Variants in UBE3C observed in about 807,000 individuals in gnomAD.
The protein encoded by UBE3C is ubiquitin-protein ligase E3C.
Under a neutral mutation model 129.4 loss-of-function variants are expected in UBE3C, and 42 were observed. The observed-to-expected ratio is 0.32, with a 90% CI of 0.25 to 0.42. The LOEUF (loss-of-function observed/expected upper bound fraction) is 0.42, where lower values mean the gene tolerates loss of function less well. Among genes scored for constraint, UBE3C ranks in the 10% least tolerant of loss-of-function variants. UBE3C has a pLI of 1.00. For synonymous variants in UBE3C, 510 were observed against 492.4 expected, an observed-to-expected ratio of 1.04 and a Z score of -0.47; for missense variants, 1,049 against 1,319.1, an observed-to-expected ratio of 0.80 and a Z score of 3.17.
At chr7:157,162,210 T>C (rs1050867497) in intron 1 of UBE3C, among the ~76,000 whole-genome samples, 4 of 152,210 alleles carry the variant, frequency 2.6e-5, no homozygotes, top group African/African-American at 9.7e-5. Context: ...TTTTTTCTTT[T>C]TTGAGACGGA....
At position 157,231,152 on chromosome 7, in the gene UBE3C, G is replaced by A; in HGVS notation, c.2306G>A (p.Gly769Asp). The A allele has an allele frequency of 1.2e-6, 2 of 1,614,072 alleles. No individual in the cohort carries two copies. Among genetic ancestry groups the A allele is most frequent in the Non-Finnish European group, 1.7e-6 (2 of 1,180,026 alleles). The stretch of plus-strand genomic sequence containing the variant: ...GGCCTGGATGAAGCTGGCATTGATG[G>A]TGGTGGTATTTTCAGAGAGTTTTTA... The part of the protein sequence containing the change: ...AHGLDEAGID[G>D]GGIFREFLNE... Residue 769 changes from glycine (G) to aspartate (D), a missense_variant, in exon 18 of 23, where the codon GGT (glycine) becomes GAT (aspartate). Gly to Asp is a moderately conservative substitution (Grantham distance 94). Coordinates refer to ENST00000348165, the MANE Select transcript of UBE3C (RefSeq NM_014671.3).
intron 1 of UBE3C, among the ~76,000 whole-genome samples, chr7:157,150,378 CA>C (rs34169017): frequency 0.018 from 2,505 of 136,462 alleles, 30 homozygotes; most frequent in Middle Eastern, 0.07. Flanking sequence ...GACTCTGTCT[CA>C]AAAAAAAAAA....
In UBE3C at chr7:157,170,456, T is replaced by C. The variant is rs1808336872; in HGVS notation, c.342+6T>C. On this transcript the variant is annotated splice_donor_region_variant and intron_variant, in intron 4 of 22. Transcript: ENST00000348165. ...ATGAAGACTCAAAACGTTTGGTGAG[T>C]GTTAACTACATTTTCACTTGTCCTC... 6.6e-7 allele frequency: 1 copy of C among 1,526,480 alleles called. No individual in the cohort carries two copies. Among genetic ancestry groups the C allele is most frequent in the Admixed American group, 2.4e-5 (1 of 40,972 alleles). 94.6% of individuals were successfully genotyped at this position (1,526,480 alleles called of 1,614,324 possible).
Position 157,248,510 on chromosome 7 carries a change from G to C in UBE3C, c.2624G>C (p.Ser875Thr), listed in dbSNP as rs775622957. 5 of 1,613,220 alleles carry C rather than the reference G, an allele frequency of 3.1e-6. No homozygotes were observed. In the African/African-American group the frequency reaches 6.7e-5, roughly 22 times the overall value. The change falls in exon 19 of 23, where the codon AGC (serine) becomes ACC (threonine). Residue 875 changes from serine (S) to threonine (T), a missense_variant. By Grantham distance (58) the Ser-to-Thr change is moderately conservative (BLOSUM62 1). Transcript: ENST00000348165. ...EVYKNLLFLK[S>T]YEDDVEELGL... ...TATAAGAATTTGCTCTTTCTGAAGAGCTACGAAGACGATGTGGAGGAGCTT... is the reference window on the plus strand; with the variant it reads ...TATAAGAATTTGCTCTTTCTGAAGACCTACGAAGACGATGTGGAGGAGCTT...
intron 1 of UBE3C, among the ~76,000 whole-genome samples, chr7:157,146,183 C>G (rs1807598626): frequency 6.6e-6 from 1 of 151,936 alleles, no homozygotes; most frequent in East Asian, 1.9e-4. Flanking sequence ...TCCCCAACTC[C>G]ATTGAATGCC....
In UBE3C at chr7:157,186,943, G is replaced by A; in HGVS notation, c.1253G>A (p.Ser418Asn). ...LLNLVWRDSA[S>N]EEVFTTMASV... ...AACCTGGTGTGGAGGGACTCTGCGAGCGAGGAGGTCTTCACCACCATGGCC... is the reference window on the plus strand; with the variant it reads ...AACCTGGTGTGGAGGGACTCTGCGAACGAGGAGGTCTTCACCACCATGGCC... Residue 418 changes from serine to asparagine, a missense_variant, in exon 10 of 23, where the codon AGC (serine) becomes AAC (asparagine). Transcript: ENST00000348165. The A allele has an allele frequency of 6.2e-7, 1 of 1,613,882 alleles. No individual in the cohort carries two copies. Among genetic ancestry groups the A allele is most frequent in the South Asian group, 1.1e-5 (1 of 91,002 alleles).
intron 1 of UBE3C, among the ~76,000 whole-genome samples, chr7:157,153,126 G>C (rs907250053): frequency 1.3e-5 from 2 of 152,162 alleles, no homozygotes; most frequent in Non-Finnish European, 2.9e-5. Flanking sequence ...AACCCCAGGG[G>C]AGCAGAGGTT....
chr7:157,219,142 G>A (rs1795665927), intron 14 of UBE3C, among the ~76,000 whole-genome samples: 1 of 152,194 alleles, frequency 6.6e-6, no homozygotes, highest in Non-Finnish European at 1.5e-5. Context: ...TGCAGCGCAT[G>A]TCTAGGGTCT....
At chr7:157,140,028 T>C in intron 1 of UBE3C, 1 of 985,412 alleles carries the variant, frequency 1.0e-6, no homozygotes, top group Non-Finnish European at 1.2e-6. Flanking sequence ...GGTAATTGTT[T>C]AGGATAAGGG....
intron 14 of UBE3C, among the ~76,000 whole-genome samples, chr7:157,219,248 G>A (rs2023976): frequency 0.058 from 8,828 of 152,168 alleles, 605 homozygotes; most frequent in African/African-American, 0.16. Context: ...AAAGTTGTGC[G>A]ATGGGAAAAT....
intron 11 of UBE3C, among the ~76,000 whole-genome samples, chr7:157,202,518 A>G (rs1245277490): frequency 6.6e-6 from 1 of 152,112 alleles, no homozygotes; most frequent in Non-Finnish European, 1.5e-5. Flanking sequence ...TTAGTCGGGC[A>G]TGGTGGTGCG....
rs1584831485 is a variant in UBE3C, at chr7:157,261,977, G to A, written c.3081+4933G>A. On this transcript the variant is annotated intron_variant, in intron 22 of 22. Coordinates refer to ENST00000348165, the MANE Select transcript of UBE3C (RefSeq NM_014671.3). ...TTTTTTACTTTTAAGTCTCCAAGTA[G>A]GAAATTCAATTAGCGTTATGAAAGA... Among the ~76,000 whole-genome samples, 5 of 152,270 alleles carry A rather than the reference G, an allele frequency of 3.3e-5. No homozygotes were observed. In the South Asian group the frequency reaches 8.3e-4, roughly 25 times the overall value.
chr7:157,144,546 T>A (rs147376489), intron 1 of UBE3C, among the ~76,000 whole-genome samples: 1 of 151,988 alleles, frequency 6.6e-6, no homozygotes, highest in Non-Finnish European at 1.5e-5. Flanking sequence ...ATGGGAAATA[T>A]TTTGAGACTT....
At chr7:157,247,175 C>T (rs775686877) in intron 18 of UBE3C, among the ~76,000 whole-genome samples, 25 of 152,166 alleles carry the variant, frequency 1.6e-4, no homozygotes, top group Non-Finnish European at 2.4e-4. Flanking sequence ...CGTGAGCCAC[C>T]GCACCTGGCC....
At chr7:157,250,224 G>A (rs1796588472) in intron 19 of UBE3C, among the ~76,000 whole-genome samples, 1 of 152,014 alleles carries the variant, frequency 6.6e-6, no homozygotes, top group African/African-American at 2.4e-5. Flanking sequence ...TGTTGTTGTT[G>A]TATTGTTTTG....
chr7:157,197,053 G>A (rs1238841966), intron 10 of UBE3C, among the ~76,000 whole-genome samples: 10 of 152,170 alleles, frequency 6.6e-5, no homozygotes, highest in Admixed American at 2.6e-4. Flanking sequence ...CAAAACTGTC[G>A]TTTCTGATAC....
At chr7:157,149,844 T>A (rs900893360) in intron 1 of UBE3C, among the ~76,000 whole-genome samples, 2 of 152,220 alleles carry the variant, frequency 1.3e-5, no homozygotes, top group Non-Finnish European at 2.9e-5. Flanking sequence ...TCTTATTCTT[T>A]GACTGTGACC....
At chr7:157,141,790 C>T (rs1306468640) in intron 1 of UBE3C, among the ~76,000 whole-genome samples, 1 of 152,142 alleles carries the variant, frequency 6.6e-6, no homozygotes, top group Admixed American at 6.5e-5. Flanking sequence ...CGTTTGTGCC[C>T]GGCTGCTTTG....
intron 9 of UBE3C, among the ~76,000 whole-genome samples, chr7:157,185,792 G>A (rs10246072): frequency 1.4e-3 from 212 of 152,026 alleles, no homozygotes; most frequent in African/African-American, 4.7e-3. Flanking sequence ...TCATTCTGAT[G>A]TACTTTTGTT....
Sources: gnomAD v4.1 joint callset for allele counts (sites outside exome capture counted in the v4.1 genomes callset) on GRCh38, gnomAD v4.1.1 for gene constraint, MANE v1.5 for transcripts, NCBI Gene and HGNC (gene_info 2026-07-23, HGNC 2026-07-21) for gene names.